The following EBF3 variants were observed in gnomAD, a reference collection of about 807,000 sequenced individuals.
EBF3 encodes transcription factor COE3.
In EBF3, 18 loss-of-function variants were observed where a neutral mutation model predicts 77.1. That is an observed-to-expected ratio of 0.23 (90% confidence interval 0.16 to 0.35). The LOEUF (loss-of-function observed/expected upper bound fraction) is 0.35, where lower values mean the gene tolerates loss of function less well. EBF3 is among the 10% of genes least tolerant of loss of function. The probability of loss-of-function intolerance (pLI) is 1.00; values close to 1 mark genes in which losing one functional copy is unlikely to be tolerated. For synonymous variants in EBF3, 350 were observed against 343.5 expected (o/e 1.02, Z -0.21); for missense variants, 558 against 860.0 (o/e 0.65, Z 4.39).
At chr10:129,942,621 T>G (rs1450834562) in intron 6 of EBF3, among the ~76,000 whole-genome samples, 1 of 152,166 alleles carries the variant, frequency 6.6e-6, no homozygotes, top group African/African-American at 2.4e-5. Context: ...GACTACCACG[T>G]CCACACAGGG....
rs114776423 is a variant in EBF3 at position 129,911,419 on chromosome 10, C to T, written c.555-33570G>A. Among the ~76,000 whole-genome samples, 1,450 of 152,334 alleles carry T rather than the reference C, an allele frequency of 9.5e-3. 38 individuals carry two copies. The highest frequency in any genetic ancestry group is 0.033 in the African/African-American group (1,366 of 41,564). On this transcript the variant is annotated intron_variant, in intron 6 of 16. Coordinates refer to ENST00000440978, the MANE Select transcript of EBF3 (RefSeq NM_001375380.1). ...AGACCCTGTCCTGGCTCCTCTCTCA[C>T]TCCTGCTCCACCTCCCTCTGCTCTG...
At chr10:129,961,985 G>A (rs1037603059) in intron 4 of EBF3, among the ~76,000 whole-genome samples, 186 bp downstream of exon 4, 8 of 152,162 alleles carry the variant, frequency 5.3e-5, no homozygotes, top group African/African-American at 1.9e-4. Flanking sequence ...CTGTTCTAAT[G>A]ACAACATAAA....
At chr10:129,867,947 GC>G in intron 8 of EBF3, 35 bp from the exon 9 acceptor site, 1 of 1,605,888 alleles carries the variant, frequency 6.2e-7, no homozygotes, top group African/African-American at 1.3e-5. Flanking sequence ...AGACCTTAGA[GC>G]CCCGTCCTCC....
chr10:129,859,516 C>T (rs1396447456), intron 10 of EBF3, among the ~76,000 whole-genome samples: 1 of 152,240 alleles, frequency 6.6e-6, no homozygotes, highest in African/African-American at 2.4e-5. Context: ...TGAGCCACCA[C>T]GCCTAGCCTC....
chr10:129,838,527 C>T (rs899154607), intron 16 of EBF3, among the ~76,000 whole-genome samples: 12 of 152,226 alleles, frequency 7.9e-5, no homozygotes, highest in African/African-American at 2.7e-4. Flanking sequence ...CCACTCACAG[C>T]CCACCTGCCC....
Position 129,839,147 on chromosome 10 carries a change from G to T in EBF3, c.1808C>A (p.Pro603His), listed in dbSNP as rs1849824270. The change falls in exon 16 of 17, where the codon CCC becomes CAC. Residue 603 changes from proline to histidine, a missense_variant. Around this residue, in one of 5 missense-constraint regions of EBF3, gnomAD observed 284 missense variants for 368.3 expected, o/e 0.77. Coordinates refer to ENST00000440978, the MANE Select transcript of EBF3 (RefSeq NM_001375380.1). ...AAATATGCCACCGACTTCACAAAAG[G>T]GCCAGTTTGTCTTCTCCGCGGCTAC... ...EDVAAEKTNW[P>H]FCEVGGIFHF... 1.5e-6 allele frequency: 2 copies of T among 1,304,312 alleles called. No homozygotes were observed. The highest frequency in any genetic ancestry group is 2.0e-6 in the Non-Finnish European group (2 of 988,996). 80.8% of individuals were successfully genotyped at this position (1,304,312 alleles called of 1,614,324 possible).
chr10:129,867,362 T>C, intron 9 of EBF3, 95 bp from the exon 10 acceptor site: 1 of 1,555,080 alleles, frequency 6.4e-7, no homozygotes, highest in Non-Finnish European at 8.7e-7. Flanking sequence ...TGAGCACAAA[T>C]TGGACCATCG....
At position 129,963,660 on chromosome 10, in the gene EBF3, C is replaced by G; in HGVS notation, c.109G>C (p.Val37Leu). The change falls in exon 1 of 17, where the codon GTG becomes CTG. Residue 37 changes from valine to leucine, a missense_variant. This residue lies in a region of EBF3 where 64 missense variants were observed against 54.5 expected (regional missense o/e 1.18). Transcript: ENST00000440978. This position sits in a 1 kb window ranked among gnomAD's most constrained non-coding sequence, Gnocchi z 7.1. ...VRSWMHTAGV[V>L]DANTAAQSGV... ...CTCTGGGCGGCCGTGTTGGCGTCCA[C>G]CACGCCCGCCGTGTGCATCCACGAG... 6.7e-7 allele frequency: 1 copy of G among 1,498,124 alleles called. No homozygotes were observed. The highest frequency in any genetic ancestry group is 9.0e-7 in the Non-Finnish European group (1 of 1,115,202). The allele number at this position is 1,498,124 out of a possible 1,614,324, so 92.8% of individuals were successfully genotyped here.
chr10:129,857,615 C>T lies in EBF3; in HGVS notation c.1040-9135G>A, dbSNP rs372032808. Among the ~76,000 whole-genome samples the T allele has an allele frequency of 4.6e-5, 7 of 152,366 alleles. No homozygotes were observed. The East Asian group carries it at 5.8e-4, about 13-fold the overall frequency. ...TTATTAACTTTTCCATGTCCCGCTT[C>T]ATTCCCGCAAGACCTCAAGTCAGTG... On this transcript the variant is annotated intron_variant, in intron 10 of 16. Transcript: ENST00000440978.
intron 6 of EBF3, among the ~76,000 whole-genome samples, chr10:129,934,213 G>A (rs1857208391): frequency 6.6e-6 from 1 of 151,604 alleles, no homozygotes; most frequent in South Asian, 2.1e-4. Context: ...ATTGCCTGAA[G>A]ACATGCCCCT....
Position 129,848,273 on chromosome 10 carries a change from G to T in EBF3, c.1128+119C>A. 1 of 1,070,054 alleles carries T rather than the reference G, an allele frequency of 9.3e-7. No individual in the cohort carries two copies. Among genetic ancestry groups the T allele is most frequent in the Non-Finnish European group, 1.4e-6 (1 of 694,356 alleles). 66.3% of individuals were successfully genotyped at this position (1,070,054 alleles called of 1,614,324 possible). A position where few individuals can be genotyped will look rare whatever the true frequency, so the allele number is the denominator to read the frequency against. ...TCCTCACACCTGTCGGCCCTGTGGT[G>T]GGCACAGAGTTTGGGGAATCTGCAA... is the stretch of plus-strand genomic sequence containing the variant. On this transcript the variant is annotated intron_variant, in intron 11 of 16. Coordinates refer to ENST00000440978, the MANE Select transcript of EBF3 (RefSeq NM_001375380.1). The surrounding 1 kb of genome is among the most constrained non-coding windows in gnomAD (Gnocchi z 4.4).
chr10:129,915,495 CACAAAA>C (rs755225504), intron 6 of EBF3, among the ~76,000 whole-genome samples: 3 of 108,238 alleles, frequency 2.8e-5, no homozygotes, highest in South Asian at 5.4e-4. Context: ...CACACACACA[CACAAAA>C]AAGCCAAGAC....
chr10:129,912,828 T>C (rs1855615356), intron 6 of EBF3, among the ~76,000 whole-genome samples: 1 of 152,234 alleles, frequency 6.6e-6, no homozygotes, highest in Non-Finnish European at 1.5e-5. Flanking sequence ...GAAGACTGAA[T>C]TCTTCTTTTA....
chr10:129,937,387 CAG>C (rs1857436251), intron 6 of EBF3, among the ~76,000 whole-genome samples: 1 of 152,122 alleles, frequency 6.6e-6, no homozygotes, highest in African/African-American at 2.4e-5. Context: ...TCCTTGAGAA[CAG>C]AGAGGCCCCA....
At chr10:129,873,190 G>A (rs1346764411) in intron 8 of EBF3, among the ~76,000 whole-genome samples, 1 of 152,226 alleles carries the variant, frequency 6.6e-6, no homozygotes, top group African/African-American at 2.4e-5. Flanking sequence ...CGCAAGAAAA[G>A]CAGTAAGCAA....
In EBF3 at chr10:129,836,886, A is replaced by C. The variant is rs1326743650; in HGVS notation, c.*1057T>G. 6.5e-6 allele frequency: 1 copy of C among 152,698 alleles called. No homozygotes were observed. The allele number at this position is 152,698 out of a possible 1,614,324, so 9.5% of individuals were successfully genotyped here. ...TTAGCAACTGCAAGTGTTCATGGGA[A>C]AGTAAGTGTCAAATGAAGACCATTT... is the stretch of plus-strand genomic sequence containing the variant. On this transcript the variant is annotated 3_prime_UTR_variant, in exon 17 of 17. Transcript: ENST00000440978.
At chr10:129,893,432 C>A (rs1429850402) in intron 6 of EBF3, among the ~76,000 whole-genome samples, 2 of 152,108 alleles carry the variant, frequency 1.3e-5, no homozygotes, top group East Asian at 1.9e-4. Flanking sequence ...TTACTGAATA[C>A]CTTCTGTTCT....
In EBF3 at chr10:129,876,895, C is replaced by G. The variant is rs955820120; in HGVS notation, c.636+873G>C. On this transcript the variant is annotated intron_variant, in intron 7 of 16. Transcript: ENST00000440978. ...ATAATTCATCCCTGAACCCCCCCCCCCCCCCCACCCAGCTACCCCTCTGTA... is the reference window on the plus strand; with the variant it reads ...ATAATTCATCCCTGAACCCCCCCCCGCCCCCCACCCAGCTACCCCTCTGTA... Among the ~76,000 whole-genome samples, 12 of 114,852 alleles carry G rather than the reference C, an allele frequency of 1.0e-4. 1 individual carries two copies. The highest frequency in any genetic ancestry group is 3.3e-4 in the East Asian group (1 of 3,006). The allele number at this position is 114,852 out of a possible 152,430, so 75.3% of individuals were successfully genotyped here. A position where few individuals can be genotyped will look rare whatever the true frequency, so the allele number is the denominator to read the frequency against.
chr10:129,883,452 G>A (rs113534043), intron 6 of EBF3, among the ~76,000 whole-genome samples: 134 of 152,302 alleles, frequency 8.8e-4, no homozygotes, highest in African/African-American at 3.0e-3. Flanking sequence ...TATTGTGGGG[G>A]ATGGGGGGAA....
Sources: gnomAD v4.1 joint callset for allele counts (sites outside exome capture counted in the v4.1 genomes callset) on GRCh38, gnomAD v4.1.1 for gene constraint, gnomAD v4.1.1 regional missense constraint, Gnocchi (gnomAD v3.1) non-coding constraint, MANE v1.5 for transcripts, NCBI Gene and HGNC (gene_info 2026-07-23, HGNC 2026-07-21) for gene names.